KIRREL3: variants seen among roughly 807,000 people sequenced by gnomAD.
KIRREL3 encodes kin of IRRE-like protein 3.
KIRREL3 carries 36 observed loss-of-function variants against 89.7 expected under a neutral mutation model. The observed-to-expected ratio is 0.40, with a 90% confidence interval of 0.31 to 0.53. The LOEUF is 0.53. Among genes scored for constraint, KIRREL3 ranks in the 20% least tolerant of loss-of-function variants. The pLI is 0.49. For missense variants in KIRREL3, 864 were observed against 1,056.6 expected, an observed-to-expected ratio of 0.82 and a Z score of 2.53; for synonymous variants, 445 against 441.4, an observed-to-expected ratio of 1.01 and a Z score of -0.10.
In KIRREL3 at chr11:126,780,186, A is replaced by G. The variant is rs902940375; in HGVS notation, c.56-217274T>C. On this transcript the variant is annotated intron_variant, in intron 1 of 16. Transcript: ENST00000525144. The surrounding 1 kb of genome is among the most constrained non-coding windows in gnomAD (Gnocchi z 5.3). ...AATTCAGGTTCAATGAAAGGAAAAC[A>G]GGAAAAGACTGCAGAAGGAAGAAGA... Among the ~76,000 whole-genome samples the G allele has an allele frequency of 6.6e-6, 1 of 152,234 alleles. No homozygotes were observed. Among genetic ancestry groups the G allele is most frequent in the Non-Finnish European group, 1.5e-5 (1 of 68,040 alleles).
intron 4 of KIRREL3, among the ~76,000 whole-genome samples, chr11:126,487,706 T>C (rs1226675885): frequency 2.6e-5 from 4 of 152,264 alleles, no homozygotes; most frequent in Non-Finnish European, 4.4e-5. Flanking sequence ...GCCTTATAGT[T>C]ATTTTTTGAA....
Position 126,477,799 on chromosome 11 carries a change from G to C in KIRREL3, c.434-4333C>G, listed in dbSNP as rs1441442210. Among the ~76,000 whole-genome samples, 1 of 152,152 alleles carries C rather than the reference G, an allele frequency of 6.6e-6. No homozygotes were observed. Among genetic ancestry groups the C allele is most frequent in the African/African-American group, 2.4e-5 (1 of 41,440 alleles). Reference sequence around the variant, plus strand: ...CATCAGCCTGGGATGGTTGGTCTCTGAGCATGGCTGATCGGTGGCAGCTGG... The same window carrying C: ...CATCAGCCTGGGATGGTTGGTCTCTCAGCATGGCTGATCGGTGGCAGCTGG... On this transcript the variant is annotated intron_variant, in intron 4 of 16. Transcript: ENST00000525144. The surrounding 1 kb of genome is among the most constrained non-coding windows in gnomAD (Gnocchi z 4.8).
At chr11:126,785,212 T>A (rs1950450919) in intron 1 of KIRREL3, among the ~76,000 whole-genome samples, 1 of 152,154 alleles carries the variant, frequency 6.6e-6, no homozygotes, top group Admixed American at 6.5e-5. Flanking sequence ...AGAGTTGTTT[T>A]TTGTCATTTA....
chr11:126,519,047 G>C lies in KIRREL3; in HGVS notation c.433+2268C>G, dbSNP rs2134421997. ...TGGCTCTCAGGAATTTCACGGAGGG[G>C]ACCCTGCTGGGGATCATGGAAACTT... On this transcript the variant is annotated intron_variant, in intron 4 of 16. Coordinates refer to ENST00000525144, the MANE Select transcript of KIRREL3 (RefSeq NM_032531.4). The surrounding 1 kb of genome is among the most constrained non-coding windows in gnomAD (Gnocchi z 4.3). 6.6e-6 allele frequency among the ~76,000 whole-genome samples: 1 copy of C among 152,354 alleles called. No homozygotes were observed. The highest frequency in any genetic ancestry group is 1.9e-4 in the East Asian group (1 of 5,190).
intron 4 of KIRREL3, among the ~76,000 whole-genome samples, chr11:126,514,452 G>T (rs565442460): frequency 1.3e-5 from 2 of 152,254 alleles, no homozygotes; most frequent in Non-Finnish European, 2.9e-5. Context: ...ACATGGGAAA[G>T]CTTCTCTAGG....
At chr11:126,722,712 T>C (rs910307347) in intron 1 of KIRREL3, among the ~76,000 whole-genome samples, 7 of 152,254 alleles carry the variant, frequency 4.6e-5, no homozygotes, top group Non-Finnish European at 8.8e-5. Flanking sequence ...ATGCATGTCA[T>C]GTACTTTATG....
In KIRREL3 at chr11:126,715,643, C is replaced by T. The variant is rs1947926745; in HGVS notation, c.56-152731G>A. Among the ~76,000 whole-genome samples, 1 of 152,164 alleles carries T rather than the reference C, an allele frequency of 6.6e-6. No individual in the cohort carries two copies. Among genetic ancestry groups the T allele is most frequent in the East Asian group, 1.9e-4 (1 of 5,178 alleles). On this transcript the variant is annotated intron_variant, in intron 1 of 16. Transcript: ENST00000525144. The surrounding 1 kb of genome is among the most constrained non-coding windows in gnomAD (Gnocchi z 4.4). ...TCAAAAACAAGAGGAAAAGGGACTA[C>T]AGCACGTGAAACATACTAAAGAGAA...
intron 4 of KIRREL3, among the ~76,000 whole-genome samples, chr11:126,509,748 C>G (rs1958142744): frequency 1.3e-5 from 2 of 152,158 alleles, no homozygotes; most frequent in South Asian, 4.1e-4. Flanking sequence ...GTAATCCCAG[C>G]ACTTTGGGAG....
At chr11:126,670,857 T>C in intron 1 of KIRREL3, among the ~76,000 whole-genome samples, 1 of 152,316 alleles carries the variant, frequency 6.6e-6, no homozygotes, top group East Asian at 1.9e-4. Context: ...GCGAAGGACC[T>C]AGAACAGTCA....
intron 2 of KIRREL3, among the ~76,000 whole-genome samples, chr11:126,559,899 T>A (rs1243984797): frequency 6.6e-6 from 1 of 152,146 alleles, no homozygotes; most frequent in Non-Finnish European, 1.5e-5. Context: ...GCCAGGCTGG[T>A]CTTGAACTCC....
At chr11:126,975,938 C>CCCTCCCTCCCTTCCTT (rs767405296) in intron 1 of KIRREL3, among the ~76,000 whole-genome samples, 3 of 104,298 alleles carry the variant, frequency 2.9e-5, no homozygotes, top group African/African-American at 1.2e-4. Flanking sequence ...CTCCCTCCCT[C>CCCTCCCTCCCTTCCTT]CCTTCCTTCC....
rs1565485778 is a variant in KIRREL3 at position 126,994,221 on chromosome 11, T to C, written c.55+6234A>G. ...CGTGTGTGTGTGTGTATGTGTTCAG[T>C]AGGGGGTCAGGAGGGCGTGGGAAGG... On this transcript the variant is annotated intron_variant, in intron 1 of 16. Coordinates refer to ENST00000525144, the MANE Select transcript of KIRREL3 (RefSeq NM_032531.4). This position sits in a 1 kb window ranked among gnomAD's most constrained non-coding sequence, Gnocchi z 5.2. Among the ~76,000 whole-genome samples the C allele has an allele frequency of 1.3e-5, 2 of 152,068 alleles. No individual in the cohort carries two copies. The highest frequency in any genetic ancestry group is 2.9e-5 in the Non-Finnish European group (2 of 67,998).
rs556993398 is a variant in KIRREL3 at position 126,543,666 on chromosome 11, A to G, written c.134-16979T>C. On this transcript the variant is annotated intron_variant, in intron 2 of 16. Transcript: ENST00000525144. ...ATAAAGCTGATGGGAAGCCGATAGG[A>G]CAGCCCCTGCCCTTCCTGAAGACCA... 1.1e-4 allele frequency among the ~76,000 whole-genome samples: 16 copies of G among 152,234 alleles called. No homozygotes were observed. The East Asian group carries it at 2.7e-3, about 26-fold the overall frequency.
intron 2 of KIRREL3, among the ~76,000 whole-genome samples, chr11:126,538,759 A>C (rs1227384137): frequency 1.3e-5 from 2 of 152,180 alleles, no homozygotes; most frequent in South Asian, 2.1e-4. Context: ...CCACCTCAGC[A>C]ATCTCCAAGT....
At chr11:126,774,677 A>G (rs1950119372) in intron 1 of KIRREL3, among the ~76,000 whole-genome samples, 2 of 152,134 alleles carry the variant, frequency 1.3e-5, no homozygotes, top group Admixed American at 6.5e-5. Flanking sequence ...GCTCTCATCA[A>G]GTTCTCTCAG....
Position 126,656,563 on chromosome 11 carries a change from C to T in KIRREL3, c.56-93651G>A, listed in dbSNP as rs898061729. ...ACAGTGGTTGCGTGCTCCTGGGCAC[C>T]GCCTGCCCAGCCCCTGCACTGATTG... On this transcript the variant is annotated intron_variant, in intron 1 of 16. Transcript: ENST00000525144. This position sits in a 1 kb window ranked among gnomAD's most constrained non-coding sequence, Gnocchi z 4.0. Among the ~76,000 whole-genome samples the T allele has an allele frequency of 1.1e-4, 17 of 152,082 alleles. No individual in the cohort carries two copies. Among genetic ancestry groups the T allele is most frequent in the African/African-American group, 1.7e-4 (7 of 41,398 alleles).
At position 126,805,304 on chromosome 11, in the gene KIRREL3, C is replaced by T. The variant is rs1218159523; in HGVS notation, c.55+195151G>A. Among the ~76,000 whole-genome samples the T allele has an allele frequency of 1.3e-5, 2 of 152,132 alleles. No individual in the cohort carries two copies. The highest frequency in any genetic ancestry group is 2.9e-5 in the Non-Finnish European group (2 of 68,012). On this transcript the variant is annotated intron_variant, in intron 1 of 16. Coordinates refer to ENST00000525144, the MANE Select transcript of KIRREL3 (RefSeq NM_032531.4). The surrounding 1 kb of genome is among the most constrained non-coding windows in gnomAD (Gnocchi z 4.3). The stretch of plus-strand genomic sequence containing the variant: ...TACTGAAGGTCAGGAGAAGGGCTGC[C>T]ATTCATCAGTCAGCATTGATATGGA...
chr11:126,863,708 C>T (rs978196251), intron 1 of KIRREL3, among the ~76,000 whole-genome samples: 4 of 151,992 alleles, frequency 2.6e-5, no homozygotes, highest in African/African-American at 7.2e-5. Context: ...AGTGTAGTAG[C>T]GGAGGAACAA....
In KIRREL3 at chr11:126,998,663, A is replaced by G. The variant is rs145227702; in HGVS notation, c.55+1792T>C. On this transcript the variant is annotated intron_variant, in intron 1 of 16. Transcript: ENST00000525144. ...TCCAGACCAAGAAAGAAATAAGCAC[A>G]ACAGAAGATGTACACTGTAATGATT... Among the ~76,000 whole-genome samples, 25 of 152,354 alleles carry G rather than the reference A, an allele frequency of 1.6e-4. No individual in the cohort carries two copies. In the East Asian group the frequency reaches 3.7e-3, roughly 22 times the overall value.
Sources: allele counts gnomAD v4.1 joint callset (sites outside exome capture counted in the v4.1 genomes callset), GRCh38; gene constraint gnomAD v4.1.1; non-coding constraint Gnocchi (gnomAD v3.1); transcripts MANE v1.5; gene names NCBI Gene and HGNC (gene_info 2026-07-23, HGNC 2026-07-21).